The following PRKN variants were observed in gnomAD, a reference collection of about 807,000 sequenced individuals.
PRKN encodes the protein E3 ubiquitin-protein ligase parkin.
Under a neutral mutation model 59.5 loss-of-function variants are expected in PRKN, and 56 were observed. The ratio of observed to expected loss-of-function variants is 0.94; its 90% CI spans 0.76 to 1.18. The LOEUF is 1.18. Among genes scored for constraint, PRKN ranks in the 50% most tolerant of loss-of-function variants. PRKN has a pLI of 0.00. For synonymous variants in PRKN, 250 were observed against 222.1 expected (o/e 1.13, Z -1.12); for missense variants, 657 against 596.4 (o/e 1.10, Z -1.06).
At chr6:162,318,255 A>T (rs1215369559) in intron 2 of PRKN, among the ~76,000 whole-genome samples, 1 of 152,110 alleles carries the variant, frequency 6.6e-6, no homozygotes, top group Admixed American at 6.6e-5. Context: ...TTCCTTTTTA[A>T]CGGTGAATAA....
At chr6:162,236,928 A>G (rs1778756211) in intron 3 of PRKN, among the ~76,000 whole-genome samples, 1 of 151,878 alleles carries the variant, frequency 6.6e-6, no homozygotes. Flanking sequence ...GAGAGAAAGA[A>G]GAAAGAAAAG....
At chr6:162,175,356 T>C (rs745489176) in intron 4 of PRKN, among the ~76,000 whole-genome samples, 1 of 152,198 alleles carries the variant, frequency 6.6e-6, no homozygotes, top group Non-Finnish European at 1.5e-5. Flanking sequence ...GCCTTTTATA[T>C]CTATTATATT....
chr6:162,503,859 G>C (rs1041348242), intron 1 of PRKN, among the ~76,000 whole-genome samples: 2 of 152,194 alleles, frequency 1.3e-5, no homozygotes, highest in Non-Finnish European at 2.9e-5. Context: ...AGAAGGACAA[G>C]GCTGGAACAT....
At chr6:162,607,203 T>C (rs536387734) in intron 1 of PRKN, among the ~76,000 whole-genome samples, 3 of 152,292 alleles carry the variant, frequency 2.0e-5, no homozygotes, top group Non-Finnish European at 4.4e-5. Flanking sequence ...ATCATTTGGA[T>C]ACTGCTAGTT....
rs112915327 is a variant in PRKN at position 162,467,872 on chromosome 6, T to C, written c.8-24399A>G. Among the ~76,000 whole-genome samples, 1,485 of 152,122 alleles carry C rather than the reference T, an allele frequency of 9.8e-3. 25 individuals are homozygous for C. The highest frequency in any genetic ancestry group is 0.035 in the African/African-American group (1,433 of 41,510). On this transcript the variant is annotated intron_variant, in intron 1 of 11. Coordinates refer to ENST00000366898, the MANE Select transcript of PRKN (RefSeq NM_004562.3). The stretch of plus-strand genomic sequence containing the variant: ...CTGTGTCTGGAAGAAGCCAACCCCT[T>C]GCTGGATTTTACACCTTGGTACTTG...
chr6:162,074,711 G>T (rs921601376), intron 4 of PRKN, among the ~76,000 whole-genome samples: 2 of 152,026 alleles, frequency 1.3e-5, no homozygotes, highest in African/African-American at 2.4e-5. Flanking sequence ...ATGCAGCTCC[G>T]CTGGGTTTTG....
At chr6:161,900,677 T>C (rs377403557) in intron 6 of PRKN, among the ~76,000 whole-genome samples, 3 of 76,696 alleles carry the variant, frequency 3.9e-5, no homozygotes, top group African/African-American at 1.0e-4. Flanking sequence ...ATATGTTATA[T>C]ATAATATATT....
chr6:161,885,334 G>A (rs145306968), intron 6 of PRKN, among the ~76,000 whole-genome samples: 3 of 152,114 alleles, frequency 2.0e-5, no homozygotes, highest in African/African-American at 7.2e-5. Flanking sequence ...AGCAGATAAG[G>A]GAGGTTTCAT....
intron 9 of PRKN, among the ~76,000 whole-genome samples, chr6:161,476,804 A>G (rs1240428429): frequency 6.6e-6 from 1 of 152,230 alleles, no homozygotes; most frequent in East Asian, 1.9e-4. Context: ...CGTCATTACA[A>G]CGAAATGAGA....
intron 6 of PRKN, among the ~76,000 whole-genome samples, chr6:161,850,658 C>T (rs969407734): frequency 1.9e-4 from 29 of 151,332 alleles, no homozygotes; most frequent in Admixed American, 1.4e-3. Flanking sequence ...AGGGCTTCTT[C>T]CCGTTCAGTA....
chr6:162,275,645 C>T (rs543880734), intron 2 of PRKN, among the ~76,000 whole-genome samples: 6 of 152,008 alleles, frequency 3.9e-5, no homozygotes, highest in African/African-American at 1.2e-4. Flanking sequence ...ATTAGCCAGG[C>T]GTGGTGGCGG....
At chr6:162,503,126 G>C (rs1262941285) in intron 1 of PRKN, among the ~76,000 whole-genome samples, 1 of 127,370 alleles carries the variant, frequency 7.9e-6, no homozygotes, top group Non-Finnish European at 1.7e-5. Flanking sequence ...ACAGAAAATA[G>C]TCTTCATTTC....
intron 4 of PRKN, among the ~76,000 whole-genome samples, chr6:162,136,324 T>G (rs1008243887): frequency 6.6e-6 from 1 of 152,136 alleles, no homozygotes; most frequent in South Asian, 2.1e-4. Context: ...GCATTTCAGC[T>G]GTTTGAATAT....
chr6:162,403,551 G>A (rs1282955209), intron 2 of PRKN, among the ~76,000 whole-genome samples: 2 of 152,144 alleles, frequency 1.3e-5, no homozygotes, highest in East Asian at 3.9e-4. Context: ...GAGGCTCCAA[G>A]AGGGCACCGG....
intron 1 of PRKN, among the ~76,000 whole-genome samples, chr6:162,677,745 T>C (rs987998420): frequency 6.6e-6 from 1 of 152,150 alleles, no homozygotes; most frequent in Non-Finnish European, 1.5e-5. Context: ...GTTGGCTAGC[T>C]TGCAAATTTT....
rs117243671 is a variant in PRKN at position 162,415,173 on chromosome 6, C to T, written c.171+28137G>A. On this transcript the variant is annotated intron_variant, in intron 2 of 11. Transcript: ENST00000366898. ...CGGCAACCCTGCGTAATAGACTTAG[C>T]GTAGCTACAATTGGTTGTGCCTACG... Among the ~76,000 whole-genome samples, 149 of 152,234 alleles carry T rather than the reference C, an allele frequency of 9.8e-4. 5 individuals are homozygous for T. The East Asian group carries it at 0.024, about 24-fold the overall frequency.
intron 1 of PRKN, among the ~76,000 whole-genome samples, chr6:162,481,069 T>C (rs12525250): frequency 0.15 from 23,239 of 152,108 alleles, 1,965 homozygotes; most frequent in Non-Finnish European, 0.17. Flanking sequence ...GTGATCTGCC[T>C]ACCTCAGCCT....
At chr6:161,485,281 T>A (rs991529529) in intron 9 of PRKN, among the ~76,000 whole-genome samples, 1 of 152,122 alleles carries the variant, frequency 6.6e-6, no homozygotes, top group Admixed American at 6.5e-5. Context: ...TATACTAGTG[T>A]GTGGTGTGAT....
At chr6:162,243,518 C>G (rs1779075347) in intron 3 of PRKN, among the ~76,000 whole-genome samples, 2 of 152,052 alleles carry the variant, frequency 1.3e-5, no homozygotes, top group South Asian at 4.1e-4. Context: ...TTTTATCTGT[C>G]AGTGTGAAGT....
Sources: gnomAD v4.1 joint callset for allele counts (sites outside exome capture counted in the v4.1 genomes callset) on GRCh38, gnomAD v4.1.1 for gene constraint, MANE v1.5 for transcripts, NCBI Gene and HGNC (gene_info 2026-07-23, HGNC 2026-07-21) for gene names.